ENPP3: variants seen among roughly 807,000 people sequenced by gnomAD.
The protein encoded by ENPP3 is ectonucleotide pyrophosphatase/phosphodiesterase family member 3.
A neutral mutation model predicts 117.8 loss-of-function variants in ENPP3; 104 were observed. The observed-to-expected ratio is 0.88, with a 90% CI of 0.75 to 1.04. The LOEUF (loss-of-function observed/expected upper bound fraction) is 1.04, where lower values mean the gene tolerates loss of function less well. Among genes scored for constraint, ENPP3 ranks in the 50% least tolerant of loss-of-function variants. The pLI, the probability that ENPP3 is intolerant of heterozygous loss-of-function variation, is 0.00. For synonymous variants in ENPP3, 380 were observed against 349.9 expected (o/e 1.09, Z -0.96); for missense variants, 1,026 against 1,051.9 (o/e 0.98, Z 0.34).
chr6:131,699,235 C>CAAAAAAAAAAAAAAAAAAAAAAAAAAA (rs4053087), intron 15 of ENPP3, among the ~76,000 whole-genome samples: 3 of 107,958 alleles, frequency 2.8e-5, no homozygotes, highest in East Asian at 2.5e-4. Context: ...AAGACTGTCT[C>CAAAAAAAAAAAAAAAAAAAAAAAAAAA]AAAAAAAAAA....
At chr6:131,684,030 A>T (rs9388914) in intron 12 of ENPP3, among the ~76,000 whole-genome samples, 1 of 152,152 alleles carries the variant, frequency 6.6e-6, no homozygotes, top group East Asian at 1.9e-4. Flanking sequence ...GGATTACAGG[A>T]GTGCGCCACC....
In ENPP3 at chr6:131,650,103, C is replaced by G. The variant is rs761315017; in HGVS notation, c.231C>G (p.Asp77Glu). The change falls in exon 3 of 25, where the codon GAC becomes GAG. Residue 77 changes from aspartate to glutamate, a missense_variant. Physicochemically the swap from Asp to Glu is conservative, Grantham distance 45. Transcript: ENST00000357639. Reference protein sequence around the residue: ...ENCRCDVACKDRGDCCWDFED... With the variant: ...ENCRCDVACKERGDCCWDFED... ...GCCGGTGTGATGTGGCATGTAAAGA[C>G]CGAGGTGATTGCTGCTGGGATTTTG... 6 of 1,613,876 alleles carry G rather than the reference C, an allele frequency of 3.7e-6. No homozygotes were observed. The South Asian group carries it at 5.5e-5, about 15-fold the overall frequency.
Position 131,650,092 on chromosome 6 carries a change from G to A in ENPP3, c.220G>A (p.Ala74Thr). ...ACTGGAGAACTGCCGGTGTGATGTG[G>A]CATGTAAAGACCGAGGTGATTGCTG... Reference protein sequence around the residue: ...RGLENCRCDVACKDRGDCCWD... With the variant: ...RGLENCRCDVTCKDRGDCCWD... Residue 74 changes from alanine to threonine, a missense_variant, in exon 3 of 25, where the codon GCA (alanine) becomes ACA (threonine). Coordinates refer to ENST00000357639, the MANE Select transcript of ENPP3 (RefSeq NM_005021.5). 1.2e-6 allele frequency: 2 copies of A among 1,614,106 alleles called. No individual in the cohort carries two copies. Among genetic ancestry groups the A allele is most frequent in the Non-Finnish European group, 1.7e-6 (2 of 1,179,976 alleles).
At chr6:131,717,685 G>C (rs1779928083) in intron 15 of ENPP3, among the ~76,000 whole-genome samples, 1 of 152,014 alleles carries the variant, frequency 6.6e-6, no homozygotes, top group Admixed American at 6.6e-5. Context: ...TAAAGCTACA[G>C]CCTATGGAAG....
intron 15 of ENPP3, among the ~76,000 whole-genome samples, chr6:131,714,011 A>G (rs1779841068): frequency 6.7e-6 from 1 of 148,836 alleles, no homozygotes; most frequent in Non-Finnish European, 1.5e-5. Flanking sequence ...CACCTGAACC[A>G]TGCTTAGAAC....
At chr6:131,734,122 T>G (rs1295888240) in intron 21 of ENPP3, among the ~76,000 whole-genome samples, 2 of 151,918 alleles carry the variant, frequency 1.3e-5, no homozygotes, top group Non-Finnish European at 2.9e-5. Flanking sequence ...TGGCAGAACA[T>G]GTACTAAAAT....
intron 3 of ENPP3, 103 bp from the exon 4 acceptor site, chr6:131,652,439 A>G (rs41286146): frequency 0.022 from 27,375 of 1,218,954 alleles, 552 homozygotes; most frequent in Middle Eastern, 0.13. Context: ...CAGATAAACC[A>G]AGAATTTGAT....
At chr6:131,674,058 T>TA (rs1778810204) in intron 7 of ENPP3, 104 bp from the exon 8 acceptor site, 1 of 687,180 alleles carries the variant, frequency 1.5e-6, no homozygotes, top group African/African-American at 1.8e-5. Context: ...GAAAGGTATA[T>TA]AGTACCTTTC....
Position 131,637,323 on chromosome 6 carries a change from C to CT in ENPP3, c.-61dup. On this transcript the variant is annotated 5_prime_UTR_variant, in exon 1 of 25. Transcript: ENST00000357639. ...ACTCATACAGTTTCTCTTTGCCAGA[C>CT]TAGACTAAAGAAGGAGCACTAATTT... 1 of 1,038,032 alleles carries CT rather than the reference C, an allele frequency of 9.6e-7. No individual in the cohort carries two copies. The highest frequency in any genetic ancestry group is 1.4e-6 in the Non-Finnish European group (1 of 718,388). The allele number at this position is 1,038,032 out of a possible 1,614,324, so 64.3% of individuals were successfully genotyped here.
At chr6:131,701,962 T>A (rs1295417196) in intron 15 of ENPP3, among the ~76,000 whole-genome samples, 3 of 151,992 alleles carry the variant, frequency 2.0e-5, no homozygotes, top group East Asian at 1.9e-4. Context: ...GTTAATTTTT[T>A]AATAAAGGCT....
At chr6:131,735,971 TAA>T (rs1305094103) in intron 21 of ENPP3, among the ~76,000 whole-genome samples, 1 of 152,238 alleles carries the variant, frequency 6.6e-6, no homozygotes, top group East Asian at 1.9e-4. Context: ...GATTTCATGT[TAA>T]GTGTTCTTAC....
intron 20 of ENPP3, among the ~76,000 whole-genome samples, chr6:131,732,173 A>T (rs1209836169): frequency 6.6e-6 from 1 of 152,194 alleles, no homozygotes; most frequent in African/African-American, 2.4e-5. Context: ...TTTTTTATAA[A>T]TTATTTCAAA....
At chr6:131,729,527 A>G (rs181800504) in intron 20 of ENPP3, among the ~76,000 whole-genome samples, 4 of 152,292 alleles carry the variant, frequency 2.6e-5, no homozygotes, top group Non-Finnish European at 5.9e-5. Context: ...TAAAAAGTTC[A>G]TATTTTATCT....
intron 16 of ENPP3, among the ~76,000 whole-genome samples, chr6:131,719,382 AACACAC>A (rs3032879): frequency 1.3e-4 from 17 of 133,126 alleles, no homozygotes; most frequent in South Asian, 2.5e-4. Flanking sequence ...TTCCATTTGT[AACACAC>A]ACACACACAC....
intron 9 of ENPP3, 26 bp downstream of exon 9, chr6:131,675,215 C>T (rs777604511): frequency 5.5e-6 from 7 of 1,277,556 alleles, no homozygotes; most frequent in South Asian, 4.8e-5. Flanking sequence ...CAGATATTCT[C>T]CCAGCTAGGC....
At chr6:131,698,124 T>C (rs901919680) in intron 15 of ENPP3, among the ~76,000 whole-genome samples, 1 of 152,120 alleles carries the variant, frequency 6.6e-6, no homozygotes, top group African/African-American at 2.4e-5. Context: ...TGCGTGTGTA[T>C]GTGTTTTGAA....
intron 15 of ENPP3, among the ~76,000 whole-genome samples, chr6:131,706,534 G>A (rs1228102061): frequency 6.6e-6 from 1 of 151,184 alleles, no homozygotes; most frequent in African/African-American, 2.5e-5. Context: ...TTCTCAGAAC[G>A]TATCCGCATC....
At chr6:131,679,020 TC>T in intron 11 of ENPP3, among the ~76,000 whole-genome samples, 1 of 106,014 alleles carries the variant, frequency 9.4e-6, no homozygotes, top group East Asian at 2.4e-4. Flanking sequence ...CTTCCTTCCT[TC>T]CTTCCTTCTT....
At chr6:131,644,082 C>G (rs978899972) in intron 2 of ENPP3, among the ~76,000 whole-genome samples, 2 of 151,968 alleles carry the variant, frequency 1.3e-5, no homozygotes, top group African/African-American at 2.4e-5. Flanking sequence ...AAAGGCAGGA[C>G]CTTGCCTGGC....
Sources: allele counts gnomAD v4.1 joint callset (sites outside exome capture counted in the v4.1 genomes callset), GRCh38; gene constraint gnomAD v4.1.1; transcripts MANE v1.5; gene names NCBI Gene and HGNC (gene_info 2026-07-23, HGNC 2026-07-21).